PACRG: variants seen among roughly 807,000 people sequenced by gnomAD.
The protein encoded by PACRG is parkin coregulated.
Under a neutral mutation model 29.7 loss-of-function variants are expected in PACRG, and 29 were observed. The observed-to-expected ratio is 0.98, with a 90% CI of 0.73 to 1.33. The LOEUF (loss-of-function observed/expected upper bound fraction) is 1.33, where lower values mean the gene tolerates loss of function less well. PACRG is among the 40% of genes most tolerant of loss of function. The pLI is 0.00. For synonymous variants in PACRG, 116 were observed against 118.7 expected, an observed-to-expected ratio of 0.98 and a Z score of 0.15; for missense variants, 279 against 316.2, an observed-to-expected ratio of 0.88 and a Z score of 0.89.
rs368279846 is a variant in PACRG at position 163,314,966 on chromosome 6, C to G, written c.753C>G (p.Tyr251Ter). ...FINIKYVVPT[Y>*]ESCLLN Reference sequence around the variant, plus strand: ...ACATTAAGTACGTGGTCCCAACCTACGAGTCTTGCTTGCTAAACTAACAGT... The same window carrying G: ...ACATTAAGTACGTGGTCCCAACCTAGGAGTCTTGCTTGCTAAACTAACAGT... The change falls in exon 5 of 5, where the codon TAC (tyrosine) becomes TAG (stop). Residue 251 changes from tyrosine (Y) to a stop codon, truncating the protein, a stop_gained. Coordinates refer to ENST00000366888, the MANE Select transcript of PACRG (RefSeq NM_001080379.2). LOFTEE classifies it high-confidence loss of function. 9 of 1,613,840 alleles carry G rather than the reference C, an allele frequency of 5.6e-6. No homozygotes were observed. Among genetic ancestry groups the G allele is most frequent in the Non-Finnish European group, 7.6e-6 (9 of 1,179,866 alleles).
At chr6:162,983,804 A>G (rs1287994702) in intron 2 of PACRG, among the ~76,000 whole-genome samples, 1 of 151,900 alleles carries the variant, frequency 6.6e-6, no homozygotes, top group African/African-American at 2.4e-5. Flanking sequence ...CTTTTTTGTG[A>G]CAAATTTTTC....
chr6:163,218,391 C>A (rs1781448032), intron 4 of PACRG, among the ~76,000 whole-genome samples: 1 of 152,112 alleles, frequency 6.6e-6, no homozygotes, highest in African/African-American at 2.4e-5. Flanking sequence ...GAAATAAATT[C>A]CTTTTTGCCC....
intron 2 of PACRG, among the ~76,000 whole-genome samples, chr6:162,846,020 G>C (rs1790342693): frequency 6.6e-6 from 1 of 152,166 alleles, no homozygotes; most frequent in South Asian, 2.1e-4. Context: ...AAGGGAGCCA[G>C]TGACAGGGTG....
chr6:162,891,057 G>A (rs752797016), intron 2 of PACRG, among the ~76,000 whole-genome samples: 19 of 152,112 alleles, frequency 1.2e-4, no homozygotes, highest in Non-Finnish European at 1.9e-4. Context: ...GCTCATACGT[G>A]GTCCGATACT....
At chr6:162,964,405 T>G (rs1211912981) in intron 2 of PACRG, among the ~76,000 whole-genome samples, 1 of 152,206 alleles carries the variant, frequency 6.6e-6, no homozygotes, top group Non-Finnish European at 1.5e-5. Context: ...CATAAAGGCC[T>G]TCTTTTATCT....
intron 4 of PACRG, among the ~76,000 whole-genome samples, chr6:163,300,241 C>G (rs896793909): frequency 6.6e-6 from 1 of 152,172 alleles, no homozygotes; most frequent in Non-Finnish European, 1.5e-5. Context: ...TCAGTTTACT[C>G]GGCGCTCTCA....
rs1815698560 is a variant in PACRG at position 163,111,247 on chromosome 6, C to T, written c.613+21839C>T. Among the ~76,000 whole-genome samples, 6 of 152,282 alleles carry T rather than the reference C, an allele frequency of 3.9e-5. No homozygotes were observed. In the South Asian group the frequency reaches 6.2e-4, roughly 16 times the overall value. On this transcript the variant is annotated intron_variant, in intron 4 of 4. Transcript: ENST00000366888. ...CCCAATTGCCTGGCACCAACTCATA[C>T]CTGAGCTGTGGAATCAATAATTTCT... is the stretch of plus-strand genomic sequence containing the variant.
At chr6:162,962,444 G>GATTCACACCTTGA (rs1800701698) in intron 2 of PACRG, among the ~76,000 whole-genome samples, 1 of 152,198 alleles carries the variant, frequency 6.6e-6, no homozygotes, top group African/African-American at 2.4e-5. Flanking sequence ...AATGCCCCCA[G>GATTCACACCTTGA]ATTCACACCT....
chr6:162,839,828 C>A (rs1789594270), intron 2 of PACRG, among the ~76,000 whole-genome samples: 1 of 150,732 alleles, frequency 6.6e-6, no homozygotes, highest in Non-Finnish European at 1.5e-5. Context: ...CCAGCTTTCC[C>A]AGCACCATTT....
chr6:162,739,277 T>G (rs1454468032), intron 1 of PACRG, among the ~76,000 whole-genome samples: 3 of 152,194 alleles, frequency 2.0e-5, no homozygotes, highest in Non-Finnish European at 4.4e-5. Flanking sequence ...TTATAGGAGT[T>G]TTATCATGTA....
chr6:163,208,421 A>T (rs928186134), intron 4 of PACRG, among the ~76,000 whole-genome samples: 7 of 151,198 alleles, frequency 4.6e-5, no homozygotes, highest in African/African-American at 1.7e-4. Flanking sequence ...ACTTTTTTTA[A>T]AAAAAAAAGA....
At chr6:162,933,253 G>T (rs1797983918) in intron 2 of PACRG, among the ~76,000 whole-genome samples, 1 of 152,084 alleles carries the variant, frequency 6.6e-6, no homozygotes, top group Non-Finnish European at 1.5e-5. Flanking sequence ...GTTGAGACTT[G>T]TTTTGTGGCC....
intron 2 of PACRG, among the ~76,000 whole-genome samples, chr6:162,984,924 A>G (rs987632309): frequency 3.3e-5 from 5 of 151,080 alleles, no homozygotes; most frequent in Admixed American, 3.3e-4. Context: ...TGTTGGATGT[A>G]TAGATTGTGA....
At chr6:162,893,378 G>GAGA (rs1562707041) in intron 2 of PACRG, among the ~76,000 whole-genome samples, 1 of 152,118 alleles carries the variant, frequency 6.6e-6, no homozygotes, top group East Asian at 1.9e-4. Flanking sequence ...CTCCAAAGCC[G>GAGA]AGAAGGACTT....
rs368479019 is a variant in PACRG at position 163,164,182 on chromosome 6, A to G, written c.613+74774A>G. On this transcript the variant is annotated intron_variant, in intron 4 of 4. Coordinates refer to ENST00000366888, the MANE Select transcript of PACRG (RefSeq NM_001080379.2). ...CAGGAAGGGTAATTGGGAGGAAAAA[A>G]TTAGGTCACAATGAGTAACAAAATA... 2.0e-5 allele frequency among the ~76,000 whole-genome samples: 3 copies of G among 152,358 alleles called. No homozygotes were observed. In the East Asian group the frequency reaches 5.8e-4, roughly 29 times the overall value.
intron 4 of PACRG, among the ~76,000 whole-genome samples, chr6:163,137,556 A>C (rs1816983063): frequency 1.3e-5 from 2 of 151,952 alleles, no homozygotes; most frequent in African/African-American, 2.4e-5. Context: ...TCCTTTCTCC[A>C]TCCCCCCAAA....
chr6:162,999,949 C>T (rs1804432160), intron 2 of PACRG, among the ~76,000 whole-genome samples: 1 of 152,142 alleles, frequency 6.6e-6, no homozygotes, highest in Non-Finnish European at 1.5e-5. Flanking sequence ...CAAATGCCTA[C>T]AATGGTAATA....
intron 2 of PACRG, among the ~76,000 whole-genome samples, chr6:163,035,851 C>T (rs918552761): frequency 9.9e-5 from 15 of 150,776 alleles, no homozygotes; most frequent in African/African-American, 3.2e-4. Flanking sequence ...ATGCCTTAAC[C>T]GCCTGGGAAT....
chr6:163,184,053 T>C (rs1338728743), intron 4 of PACRG, among the ~76,000 whole-genome samples: 1 of 152,086 alleles, frequency 6.6e-6, no homozygotes, highest in East Asian at 1.9e-4. Flanking sequence ...TGTGAAAGAG[T>C]TTGCTACAAC....
Sources: gnomAD v4.1 joint callset for allele counts (sites outside exome capture counted in the v4.1 genomes callset) on GRCh38, gnomAD v4.1.1 for gene constraint, MANE v1.5 for transcripts, NCBI Gene and HGNC (gene_info 2026-07-23, HGNC 2026-07-21) for gene names.